The following HS6ST2 variants were observed in gnomAD, a reference collection of about 807,000 sequenced individuals.
HS6ST2 encodes heparan sulfate 6-O-sulfotransferase 2.
A neutral mutation model predicts 33.0 loss-of-function variants in HS6ST2; 17 were observed. The observed-to-expected ratio is 0.52, with a 90% CI of 0.35 to 0.77. The LOEUF (loss-of-function observed/expected upper bound fraction) is 0.77. Ranked by LOEUF, HS6ST2 falls within the 30% of genes least tolerant of loss-of-function variation. HS6ST2 has a pLI of 0.01. For synonymous variants in HS6ST2, 248 were observed against 237.1 expected, an observed-to-expected ratio of 1.05 and a Z score of -0.42; for missense variants, 519 against 551.7, an observed-to-expected ratio of 0.94 and a Z score of 0.59.
chrX:132,766,572 T>G (rs2064849959), intron 2 of HS6ST2, among the ~76,000 whole-genome samples: 1 of 111,891 alleles, frequency 8.9e-6, no homozygotes, highest in Non-Finnish European at 1.9e-5. Context: ...TAGTCTGTAC[T>G]CACACTGCTA....
chrX:132,870,661 T>G (rs1299111525), intron 2 of HS6ST2, among the ~76,000 whole-genome samples: 1 of 111,621 alleles, frequency 9.0e-6, no homozygotes, highest in East Asian at 2.8e-4. Flanking sequence ...AAACAAGCAA[T>G]GGGGAAAGGA....
rs763865831 is a variant in HS6ST2, at chrX:132,755,015, A to G, written c.948-46521T>C. ...GCATGCGGCACCATGCCTGGCCCAT[A>G]CTATACTCTTTTACAAGGAAGTCAC... On this transcript the variant is annotated intron_variant, in intron 2 of 4. Transcript: ENST00000370833. 7.2e-5 allele frequency among the ~76,000 whole-genome samples: 8 copies of G among 111,580 alleles called. No individual in the cohort carries two copies. In the East Asian group the frequency reaches 2.0e-3, roughly 28 times the overall value.
At chrX:132,727,483 C>T (rs897230388) in intron 2 of HS6ST2, among the ~76,000 whole-genome samples, 25 of 110,547 alleles carry the variant, frequency 2.3e-4, no homozygotes, top group African/African-American at 7.6e-4. Flanking sequence ...TGAGTGTCTA[C>T]GAGTTATTGG....
chrX:132,915,673 A>C (rs1477469042), intron 2 of HS6ST2, among the ~76,000 whole-genome samples: 1 of 111,159 alleles, frequency 9.0e-6, no homozygotes, highest in Non-Finnish European at 1.9e-5. Flanking sequence ...GGAGAATATA[A>C]AATTGTTCTG....
At chrX:132,948,038 G>A (rs933929454) in intron 2 of HS6ST2, among the ~76,000 whole-genome samples, 7 of 111,931 alleles carry the variant, frequency 6.3e-5, no homozygotes, top group Non-Finnish European at 9.4e-5. Flanking sequence ...TCAATACACC[G>A]CACATTTCAA....
At chrX:132,662,370 T>C (rs1342830741) in intron 4 of HS6ST2, among the ~76,000 whole-genome samples, 10 of 111,832 alleles carry the variant, frequency 8.9e-5, no homozygotes, top group African/African-American at 3.3e-4. Flanking sequence ...TCTTTCCCAA[T>C]AGGGAGAGAG....
At chrX:132,801,054 G>A (rs760890273) in intron 2 of HS6ST2, among the ~76,000 whole-genome samples, 11 of 111,088 alleles carry the variant, frequency 9.9e-5, no homozygotes, top group African/African-American at 3.3e-4. Flanking sequence ...ATCCAGTCTC[G>A]GGCAGTTATT....
At chrX:132,735,326 C>A (rs1258938098) in intron 2 of HS6ST2, 2 of 111,077 alleles carry the variant, frequency 1.8e-5, no homozygotes, top group Non-Finnish European at 1.9e-5. Context: ...CCAAGTAAGG[C>A]AGGCTAGGAT....
intron 2 of HS6ST2, among the ~76,000 whole-genome samples, chrX:132,828,172 C>T (rs900326784): frequency 3.6e-5 from 4 of 111,198 alleles, no homozygotes; most frequent in African/African-American, 1.3e-4. Flanking sequence ...AAGAAAACAG[C>T]CAGGAGCATT....
intron 2 of HS6ST2, among the ~76,000 whole-genome samples, chrX:132,917,238 G>A (rs920548419): frequency 3.6e-5 from 4 of 111,380 alleles, no homozygotes; most frequent in African/African-American, 1.3e-4. Flanking sequence ...GACATTCTAT[G>A]GTTTAAATAC....
intron 2 of HS6ST2, among the ~76,000 whole-genome samples, chrX:132,891,443 G>C (rs1465683854): frequency 1.9e-5 from 2 of 106,783 alleles, no homozygotes; most frequent in Non-Finnish European, 3.8e-5. Context: ...GTGCAGGTTA[G>C]TTACATATGT....
chrX:132,722,710 A>G (rs1046879589), intron 2 of HS6ST2, among the ~76,000 whole-genome samples: 2 of 111,360 alleles, frequency 1.8e-5, no homozygotes, highest in Admixed American at 1.9e-4. Flanking sequence ...AGTATTTTCC[A>G]TTAGGTTTAG....
intron 2 of HS6ST2, among the ~76,000 whole-genome samples, chrX:132,915,481 C>T (rs921744248): frequency 1.8e-5 from 2 of 111,629 alleles, no homozygotes; most frequent in African/African-American, 6.5e-5. Context: ...TCAGGACCCA[C>T]GGATGGTCTT....
chrX:132,726,869 T>C (rs1357238336), intron 2 of HS6ST2, among the ~76,000 whole-genome samples: 2 of 111,663 alleles, frequency 1.8e-5, no homozygotes, highest in East Asian at 5.6e-4. Context: ...TGGATAATGT[T>C]CCATTTTATA....
intron 2 of HS6ST2, among the ~76,000 whole-genome samples, chrX:132,877,528 C>G (rs1023293825): frequency 3.6e-5 from 4 of 111,321 alleles, no homozygotes; most frequent in African/African-American, 1.3e-4. Context: ...GGGCTTGAGT[C>G]CTTCAGCTCT....
At position 132,828,693 on chromosome X, in the gene HS6ST2, T is replaced by TATAC. The variant is rs1337972849; in HGVS notation, c.948-120200_948-120199insGTAT. The stretch of plus-strand genomic sequence containing the variant: ...ATATCATATTTTATATATATATATA[T>TATAC]ACACACACACACACACACACACACA... On this transcript the variant is annotated intron_variant, in intron 2 of 4. Coordinates refer to ENST00000370833, the MANE Select transcript of HS6ST2 (RefSeq NM_001394073.1). Among the ~76,000 whole-genome samples, 378 of 72,888 alleles carry TATAC rather than the reference T, an allele frequency of 5.2e-3. 5 individuals are homozygous for TATAC. The highest frequency in any genetic ancestry group is 7.9e-3 in the Non-Finnish European group (316 of 40,106). 63.3% of individuals were successfully genotyped at this position (72,888 alleles called of 115,157 possible). A position where few individuals can be genotyped will look rare whatever the true frequency, so the allele number is the denominator to read the frequency against.
chrX:132,851,315 C>T (rs995685561), intron 2 of HS6ST2, among the ~76,000 whole-genome samples: 1 of 112,339 alleles, frequency 8.9e-6, no homozygotes, highest in Non-Finnish European at 1.9e-5. Context: ...TAAACACCCA[C>T]CATTATGTCC....
chrX:132,893,539 C>T (rs746262446), intron 2 of HS6ST2, among the ~76,000 whole-genome samples: 1 of 111,646 alleles, frequency 9.0e-6, no homozygotes, highest in East Asian at 2.9e-4. Context: ...CAAATGTATG[C>T]CTCTGGGCAC....
chrX:132,852,701 G>A lies in HS6ST2; in HGVS notation c.947+104107C>T, dbSNP rs142720105. On this transcript the variant is annotated intron_variant, in intron 2 of 4. Coordinates refer to ENST00000370833, the MANE Select transcript of HS6ST2 (RefSeq NM_001394073.1). Reference sequence around the variant, plus strand: ...ACCCTGTCATCAATTAATGAGCCTAGGGACCCATCCCTGTATAGAATTCCG... The same window carrying A: ...ACCCTGTCATCAATTAATGAGCCTAAGGACCCATCCCTGTATAGAATTCCG... Among the ~76,000 whole-genome samples, 610 of 112,266 alleles carry A rather than the reference G, an allele frequency of 5.4e-3. 2 individuals carry two copies. The highest frequency in any genetic ancestry group is 0.028 in the East Asian group (101 of 3,550).
Sources: gnomAD v4.1 joint callset for allele counts (sites outside exome capture counted in the v4.1 genomes callset) on GRCh38, gnomAD v4.1.1 for gene constraint, MANE v1.5 for transcripts, NCBI Gene and HGNC (gene_info 2026-07-23, HGNC 2026-07-21) for gene names.